CD72: variants seen among roughly 807,000 people sequenced by gnomAD.
CD72 encodes B-cell differentiation antigen CD72.
Under a neutral mutation model 50.7 loss-of-function variants are expected in CD72, and 28 were observed. That is an observed-to-expected ratio of 0.55 (90% CI 0.41 to 0.76). CD72 has a LOEUF of 0.76. Ranked by LOEUF, CD72 falls within the 30% of genes least tolerant of loss-of-function variation. CD72 has a pLI of 0.00. For missense variants in CD72, 403 were observed against 420.6 expected, an observed-to-expected ratio of 0.96 and a Z score of 0.37; for synonymous variants, 176 against 171.2, an observed-to-expected ratio of 1.03 and a Z score of -0.22.
intron 3 of CD72, 48 bp from the exon 4 acceptor site, chr9:35,616,737 A>T: frequency 6.7e-7 from 1 of 1,490,712 alleles, no homozygotes; most frequent in Non-Finnish European, 9.3e-7. Flanking sequence ...CCCGTAAAGA[A>T]TGTAGAGAGG....
At chr9:35,618,149 T>A in intron 1 of CD72, 28 bp from the exon 2 acceptor site, 1 of 1,607,758 alleles carries the variant, frequency 6.2e-7, no homozygotes, top group Non-Finnish European at 8.5e-7. Flanking sequence ...GGGACCAAGG[T>A]GGGATTTGGG....
At chr9:35,617,387 T>A in intron 2 of CD72, 140 bp from the exon 3 acceptor site, 1 of 937,286 alleles carries the variant, frequency 1.1e-6, no homozygotes, top group South Asian at 1.8e-5. Context: ...GGACACAGTG[T>A]CACTCTCCTG....
At position 35,641,588 on chromosome 9, in the gene CD72, T is replaced by C. The variant is rs1211877893; in HGVS notation, n.408+4815A>G. Among the ~76,000 whole-genome samples, 10 of 152,232 alleles carry C rather than the reference T, an allele frequency of 6.6e-5. No homozygotes were observed. In the South Asian group the frequency reaches 2.1e-3, roughly 32 times the overall value. ...TTTCCTTCTTCGGTGGCTAGCCATC[T>C]TGAGGAGAGGAAACTATGTCTTCTT... On this transcript the variant is annotated intron_variant and non_coding_transcript_variant, in intron 1 of 3. Transcript: ENST00000465754.
In CD72 at chr9:35,617,717, T is replaced by G. The variant is rs575489982; in HGVS notation, c.190+297A>C. ...CTGGCTCCCATTTATCCTGTTCCTA[T>G]TCTTCTGTTTCCTAAGAACCGCCCT... On this transcript the variant is annotated intron_variant, in intron 2 of 8. Transcript: ENST00000259633. 1.2e-4 allele frequency among the ~76,000 whole-genome samples: 18 copies of G among 152,280 alleles called. No homozygotes were observed. In the South Asian group the frequency reaches 3.7e-3, roughly 32 times the overall value.
At chr9:35,626,292 G>A (rs1329837512) in intron 1 of CD72, among the ~76,000 whole-genome samples, 1 of 152,066 alleles carries the variant, frequency 6.6e-6, no homozygotes, top group Non-Finnish European at 1.5e-5. Context: ...GATGGAAACT[G>A]CAAGAGAACT....
At chr9:35,637,807 G>A (rs1375293564) in intron 1 of CD72, among the ~76,000 whole-genome samples, 5 of 152,026 alleles carry the variant, frequency 3.3e-5, no homozygotes, top group Admixed American at 6.6e-5. Context: ...TTGTGGGGAC[G>A]CCTGCTTTGG....
rs768136177 is a variant in CD72, at chr9:35,618,057, C to T, written c.147G>A (p.Gly49=). ...CAGAAGAAGCCAAGCTTGAGGGCAC[C>T]CCTAGGACTGCGGGCACTTGAACAT... ...YENVQVPAVL[G]VPSSLASSVL... is the part of the protein sequence containing the mutation. Residue 49 remains glycine, a synonymous_variant, in exon 2 of 9, where the codon GGG becomes GGA. Coordinates refer to ENST00000259633, the MANE Select transcript of CD72 (RefSeq NM_001782.3). 1 of 1,614,026 alleles carries T rather than the reference C, an allele frequency of 6.2e-7. No individual in the cohort carries two copies.
chr9:35,610,686 C>A lies in CD72; in HGVS notation c.1018G>T (p.Glu340Ter). The A allele has an allele frequency of 6.2e-7, 1 of 1,613,276 alleles. No homozygotes were observed. The highest frequency in any genetic ancestry group is 1.3e-5 in the African/African-American group (1 of 75,028). ...TAGGGAAGAGAACTTCTACATGACT[C>A]TGACTCCAGTGTCCACCATGACCAA... Reference protein sequence around the residue: ...KTWSWWTLESESCRSSLPYIC... With the variant: ...KTWSWWTLES Residue 340 changes from glutamate to a stop codon, truncating the protein, a stop_gained, in exon 8 of 9, where the codon GAG becomes TAG. Transcript: ENST00000259633. LOFTEE classifies it high-confidence loss of function.
upstream of CD72, among the ~76,000 whole-genome samples, chr9:35,622,016 C>A (rs543224237): frequency 6.6e-6 from 1 of 152,300 alleles, no homozygotes; most frequent in Admixed American, 6.5e-5. Context: ...GCAAGAGTTT[C>A]GTGAACTGTG....
At chr9:35,617,955 G>T in intron 2 of CD72, 59 bp downstream of exon 2, 1 of 980,140 alleles carries the variant, frequency 1.0e-6, no homozygotes, top group Non-Finnish European at 1.7e-6. Context: ...AAACATTGTG[G>T]ACTCCCCAGC....
intron 1 of CD72, among the ~76,000 whole-genome samples, chr9:35,644,557 G>T (rs2131795573): frequency 6.6e-6 from 1 of 152,092 alleles, no homozygotes; most frequent in Non-Finnish European, 1.5e-5. Flanking sequence ...CCAAGGAGAG[G>T]TTCAGCTTCT....
At position 35,612,026 on chromosome 9, in the gene CD72, A is replaced by G. The variant is rs1822994299; in HGVS notation, c.835-107T>C. The G allele has an allele frequency of 3.4e-5, 22 of 647,604 alleles. No homozygotes were observed. The South Asian group carries it at 3.8e-4, about 11-fold the overall frequency. 40.1% of individuals were successfully genotyped at this position (647,604 alleles called of 1,614,324 possible). On this transcript the variant is annotated intron_variant, in intron 6 of 8. Transcript: ENST00000259633. Reference sequence around the variant, plus strand: ...CAGCTTTGGCAAGGGGGCTGTATATATGACAGCTCTTTGGTAACTTGTCCC... The same window carrying G: ...CAGCTTTGGCAAGGGGGCTGTATATGTGACAGCTCTTTGGTAACTTGTCCC...
At chr9:35,627,134 G>A (rs866028616) in intron 1 of CD72, among the ~76,000 whole-genome samples, 11 of 148,758 alleles carry the variant, frequency 7.4e-5, no homozygotes, top group Admixed American at 1.3e-4. Flanking sequence ...CACCACGCCC[G>A]GCCTTTTTTT....
In CD72 at chr9:35,610,715, T is replaced by C. The variant is rs1459118222; in HGVS notation, c.989A>G (p.Lys330Arg). ...CTCCAGTGTCCACCATGACCAAGTT[T>C]TATGTACCTTGTTACATTTTGAGCT... ...AQSSKCNKVH[K>R]TWSWWTLESE... The change falls in exon 8 of 9, where the codon AAA becomes AGA. Residue 330 changes from lysine (K) to arginine (R), a missense_variant. Physicochemically the swap from Lys to Arg is conservative, Grantham distance 26. Coordinates refer to ENST00000259633, the MANE Select transcript of CD72 (RefSeq NM_001782.3). 6.2e-7 allele frequency: 1 copy of C among 1,612,662 alleles called. No individual in the cohort carries two copies. Among genetic ancestry groups the C allele is most frequent in the South Asian group, 1.1e-5 (1 of 91,070 alleles).
chr9:35,642,187 C>G (rs1823346597), intron 1 of CD72, among the ~76,000 whole-genome samples: 1 of 152,224 alleles, frequency 6.6e-6, no homozygotes, highest in Non-Finnish European at 1.5e-5. Flanking sequence ...AAGGTCCCCT[C>G]TAGCGGCACT....
chr9:35,628,444 T>A (rs1832535), intron 1 of CD72, among the ~76,000 whole-genome samples: 151,852 of 152,318 alleles, frequency 1, 75,697 homozygotes, highest in Middle Eastern at 1. Flanking sequence ...TACAAAAAAA[T>A]TTAGCTGGGC....
At chr9:35,633,703 C>T (rs939930152) in intron 1 of CD72, among the ~76,000 whole-genome samples, 1 of 152,104 alleles carries the variant, frequency 6.6e-6, no homozygotes, top group Non-Finnish European at 1.5e-5. Context: ...TCCCCCAGCC[C>T]GTAACTTAAA....
intron 1 of CD72, among the ~76,000 whole-genome samples, chr9:35,635,900 A>G (rs866751141): frequency 6.6e-6 from 1 of 152,138 alleles, no homozygotes; most frequent in Non-Finnish European, 1.5e-5. Context: ...GAACCTCACT[A>G]GAGTTTCCTA....
chr9:35,646,168 A>C (rs903647449), intron 1 of CD72: 2 of 152,202 alleles, frequency 1.3e-5, no homozygotes, highest in Non-Finnish European at 2.9e-5. Flanking sequence ...CTCAAAAAAA[A>C]AGAAAAAAAA....
Sources: allele counts gnomAD v4.1 joint callset (sites outside exome capture counted in the v4.1 genomes callset), GRCh38; gene constraint gnomAD v4.1.1; transcripts MANE v1.5; gene names NCBI Gene and HGNC (gene_info 2026-07-23, HGNC 2026-07-21).